Variants in TNFRSF10B observed in about 807,000 individuals in gnomAD.
The protein encoded by TNFRSF10B is tumor necrosis factor receptor superfamily member 10B.
Under a neutral mutation model 41.4 loss-of-function variants are expected in TNFRSF10B, and 35 were observed. That is an observed-to-expected ratio of 0.85 (90% confidence interval 0.65 to 1.12). TNFRSF10B has a LOEUF of 1.12. Ranked by LOEUF, TNFRSF10B falls within the 50% of genes most tolerant of loss-of-function variation. The probability of loss-of-function intolerance (pLI) is 0.00; values close to 1 mark genes in which losing one functional copy is unlikely to be tolerated. For synonymous variants in TNFRSF10B, 230 were observed against 215.5 expected (o/e 1.07, Z -0.59); for missense variants, 584 against 552.7 (o/e 1.06, Z -0.57).
At chr8:23,050,370 G>C (rs1327272979) in intron 1 of TNFRSF10B, among the ~76,000 whole-genome samples, 1 of 152,186 alleles carries the variant, frequency 6.6e-6, no homozygotes, top group Non-Finnish European at 1.5e-5. Flanking sequence ...TCTGCTGAGA[G>C]GCCTCTGGGA....
rs746460784 is a variant in TNFRSF10B at position 23,022,655 on chromosome 8, C to T, written c.*16G>A. The stretch of plus-strand genomic sequence containing the variant: ...GGTAAACCAGGGAAGGTCTGACTTC[C>T]TGAAGAGAATCACACTTAGGACATG... On this transcript the variant is annotated 3_prime_UTR_variant, in exon 9 of 9. Transcript: ENST00000276431. The T allele has an allele frequency of 2.5e-6, 4 of 1,614,010 alleles. No individual in the cohort carries two copies. The highest frequency in any genetic ancestry group is 2.5e-6 in the Non-Finnish European group (3 of 1,180,008).
intron 2 of TNFRSF10B, among the ~76,000 whole-genome samples, chr8:23,031,725 C>T (rs1811890226): frequency 6.6e-6 from 1 of 151,892 alleles, no homozygotes; most frequent in African/African-American, 2.4e-5. Flanking sequence ...ACACTCAGCA[C>T]ATTAAAAAAG....
intron 2 of TNFRSF10B, 77 bp from the exon 3 acceptor site, chr8:23,030,949 C>T (rs938082464): frequency 9.8e-6 from 10 of 1,018,820 alleles, no homozygotes; most frequent in African/African-American, 1.6e-5. Context: ...TGGGGGACTC[C>T]TCTTTCAGGG....
At chr8:23,032,049 G>T (rs1329198007) in intron 2 of TNFRSF10B, among the ~76,000 whole-genome samples, 1 of 151,866 alleles carries the variant, frequency 6.6e-6, no homozygotes. Flanking sequence ...TGGGATTACA[G>T]GCACCCACCA....
chr8:23,029,844 T>C, intron 3 of TNFRSF10B, 123 bp from the exon 4 acceptor site: 2 of 874,956 alleles, frequency 2.3e-6, no homozygotes, highest in Non-Finnish European at 3.7e-6. Flanking sequence ...TGAGGGCCAG[T>C]TTCTGCACCA....
chr8:23,049,552 G>A (rs1812460987), intron 1 of TNFRSF10B, among the ~76,000 whole-genome samples: 1 of 152,160 alleles, frequency 6.6e-6, no homozygotes, highest in African/African-American at 2.4e-5. Flanking sequence ...TCAGGACTCA[G>A]ACCTTAGTTA....
At chr8:23,066,758 G>A (rs1315166232) in intron 1 of TNFRSF10B, among the ~76,000 whole-genome samples, 4 of 151,926 alleles carry the variant, frequency 2.6e-5, no homozygotes, top group African/African-American at 7.2e-5. Flanking sequence ...TTCGCTGGGC[G>A]TGGTGGTGCA....
At chr8:23,030,730 T>C (rs757449356) in intron 3 of TNFRSF10B, 29 bp downstream of exon 3, 9 of 1,564,786 alleles carry the variant, frequency 5.8e-6, no homozygotes, top group African/African-American at 1.4e-5. Flanking sequence ...GCATTCCACC[T>C]TTAGGCATGG....
At chr8:23,032,068 G>A (rs184829140) in intron 2 of TNFRSF10B, among the ~76,000 whole-genome samples, 54 of 151,888 alleles carry the variant, frequency 3.6e-4, no homozygotes, top group East Asian at 1.9e-3. Context: ...CACCGCACCC[G>A]GCTAATTTTT....
intron 2 of TNFRSF10B, among the ~76,000 whole-genome samples, chr8:23,032,209 C>T (rs1225642850): frequency 6.6e-6 from 1 of 152,190 alleles, no homozygotes; most frequent in Non-Finnish European, 1.5e-5. Context: ...CTATATTAGA[C>T]AGTGCCATCT....
Position 23,027,179 on chromosome 8 carries a change from G to A in TNFRSF10B, c.890C>T (p.Pro297Leu). 6.2e-7 allele frequency: 1 copy of A among 1,614,212 alleles called. No homozygotes were observed. The highest frequency in any genetic ancestry group is 8.5e-7 in the Non-Finnish European group (1 of 1,180,036). Reference protein sequence around the residue: ...QEMEVQEPAEPTGVNMLSPGE... With the variant: ...QEMEVQEPAELTGVNMLSPGE... Reference sequence around the variant, plus strand: ...GGGGGACAACATGTTGACACCTGTTGGCTCTGCTGGCTCCTGGACTTCCAT... The same window carrying A: ...GGGGGACAACATGTTGACACCTGTTAGCTCTGCTGGCTCCTGGACTTCCAT... Residue 297 changes from proline (P) to leucine (L), a missense_variant, in exon 7 of 9, where the codon CCA (proline) becomes CTA (leucine). Physicochemically the swap from Pro to Leu is moderately conservative, Grantham distance 98 (BLOSUM62 -3). Transcript: ENST00000276431.
At chr8:23,043,297 C>A in intron 1 of TNFRSF10B, 54 bp from the exon 2 acceptor site, 1 of 1,438,108 alleles carries the variant, frequency 7.0e-7, no homozygotes, top group East Asian at 2.3e-5. Flanking sequence ...TCACCCCTCC[C>A]AGGATCCACT....
Position 23,069,007 on chromosome 8 carries a change from G to A in TNFRSF10B, c.-113C>T. On this transcript the variant is annotated 5_prime_UTR_variant, in exon 1 of 9. Coordinates refer to ENST00000276431, the MANE Select transcript of TNFRSF10B (RefSeq NM_003842.5). ...GCAGAGATTGCGGGGTTCTCCGGCC[G>A]CGTGCTGATTTATGTGTCCAGGCTG... The A allele has an allele frequency of 6.5e-7, 1 of 1,546,672 alleles. No homozygotes were observed.
At chr8:23,033,767 T>G (rs1811953115) in intron 2 of TNFRSF10B, among the ~76,000 whole-genome samples, 1 of 152,094 alleles carries the variant, frequency 6.6e-6, no homozygotes, top group African/African-American at 2.4e-5. Context: ...CATCTTGCTG[T>G]GCATTTGCGT....
intron 5 of TNFRSF10B, 82 bp downstream of exon 5, chr8:23,028,249 C>T (rs1219909623): frequency 1.3e-6 from 2 of 1,594,312 alleles, no homozygotes. Flanking sequence ...GGGGCAGGGG[C>T]AGGCGTTTCT....
At chr8:23,057,566 G>A (rs1361288213) in intron 1 of TNFRSF10B, among the ~76,000 whole-genome samples, 2 of 151,660 alleles carry the variant, frequency 1.3e-5, no homozygotes, top group African/African-American at 4.8e-5. Context: ...CCCAGTAGCT[G>A]GGATTACAGG....
At chr8:23,068,518 C>T (rs922621861) in intron 1 of TNFRSF10B, 8 of 615,450 alleles carry the variant, frequency 1.3e-5, no homozygotes, top group South Asian at 1.3e-4. Flanking sequence ...CCACTGGATT[C>T]GGGAATTTAC....
rs1053221478 is a variant in TNFRSF10B at position 23,066,316 on chromosome 8, G to T, written c.144+2435C>A. Among the ~76,000 whole-genome samples, 15 of 152,184 alleles carry T rather than the reference G, an allele frequency of 9.9e-5. 1 individual carries two copies. The highest frequency in any genetic ancestry group is 5.2e-4 in the Admixed American group (8 of 15,282). On this transcript the variant is annotated intron_variant, in intron 1 of 8. Transcript: ENST00000276431. ...AAAACACAAAGATGACCAGGAAATA[G>T]ATGGAAGATATTAAAAATGCCAAAA...
At chr8:23,030,653 G>A (rs1811852904) in intron 3 of TNFRSF10B, 106 bp downstream of exon 3, 2 of 816,594 alleles carry the variant, frequency 2.4e-6, no homozygotes, top group Non-Finnish European at 4.1e-6. Flanking sequence ...GTATGATGAA[G>A]ACCAAGGTGG....
Sources: gnomAD v4.1 joint callset for allele counts (sites outside exome capture counted in the v4.1 genomes callset) on GRCh38, gnomAD v4.1.1 for gene constraint, MANE v1.5 for transcripts, NCBI Gene and HGNC (gene_info 2026-07-23, HGNC 2026-07-21) for gene names.